Variants in DCDC1 observed in about 807,000 individuals in gnomAD.
The protein encoded by DCDC1 is doublecortin domain containing 1.
Under a neutral mutation model 178.3 loss-of-function variants are expected in DCDC1, and 200 were observed. The observed-to-expected ratio is 1.12, with a 90% CI of 1.00 to 1.26. The LOEUF (loss-of-function observed/expected upper bound fraction) is 1.26. Among genes scored for constraint, DCDC1 ranks in the 50% most tolerant of loss-of-function variants. DCDC1 has a pLI of 0.00. For synonymous variants in DCDC1, 690 were observed against 604.8 expected, an observed-to-expected ratio of 1.14 and a Z score of -2.07; for missense variants, 1,983 against 1,749.2, an observed-to-expected ratio of 1.13 and a Z score of -2.38.
chr11:31,355,919 A>G (rs1174834196), intron 1 of DCDC1, among the ~76,000 whole-genome samples: 1 of 152,068 alleles, frequency 6.6e-6, no homozygotes, highest in Non-Finnish European at 1.5e-5. Context: ...ACATTCAATC[A>G]GGGATGCTCC....
At chr11:31,033,703 C>T (rs1256850635) in intron 20 of DCDC1, among the ~76,000 whole-genome samples, 1 of 152,048 alleles carries the variant, frequency 6.6e-6, no homozygotes, top group East Asian at 1.9e-4. Flanking sequence ...AATAACAGAC[C>T]ACAGATATAC....
intron 20 of DCDC1, among the ~76,000 whole-genome samples, chr11:30,973,176 G>A (rs750055857): frequency 1.3e-5 from 2 of 150,756 alleles, no homozygotes; most frequent in Non-Finnish European, 1.5e-5. Flanking sequence ...TGAAGCTGAG[G>A]CAGGAGAATC....
chr11:31,084,640 C>T (rs1024423681), intron 17 of DCDC1, among the ~76,000 whole-genome samples: 1 of 152,080 alleles, frequency 6.6e-6, no homozygotes, highest in African/African-American at 2.4e-5. Flanking sequence ...GATGATATGC[C>T]TTTGTATTAA....
intron 20 of DCDC1, among the ~76,000 whole-genome samples, chr11:30,973,662 A>G (rs951854209): frequency 1.3e-5 from 2 of 152,348 alleles, no homozygotes; most frequent in Admixed American, 1.3e-4. Context: ...GAAAGTCATT[A>G]TATAATGATA....
At chr11:30,930,278 G>T (rs1392872530) in intron 22 of DCDC1, among the ~76,000 whole-genome samples, 1 of 152,046 alleles carries the variant, frequency 6.6e-6, no homozygotes, top group African/African-American at 2.4e-5. Flanking sequence ...TCTGAAGCTG[G>T]ACAACCAGCC....
chr11:31,029,238 T>C (rs1466322582), intron 20 of DCDC1, among the ~76,000 whole-genome samples: 1 of 152,068 alleles, frequency 6.6e-6, no homozygotes, highest in South Asian at 2.1e-4. Context: ...TCTCACTACA[T>C]ATTTTATAAT....
At chr11:31,048,657 T>C (rs1391798667) in intron 20 of DCDC1, among the ~76,000 whole-genome samples, 1 of 151,594 alleles carries the variant, frequency 6.6e-6, no homozygotes, top group Admixed American at 6.6e-5. Flanking sequence ...ATCGAGACCA[T>C]CCTGGCTAAC....
intron 1 of DCDC1, among the ~76,000 whole-genome samples, chr11:31,355,335 C>T (rs1951284585): frequency 6.6e-6 from 1 of 152,096 alleles, no homozygotes; most frequent in East Asian, 1.9e-4. Context: ...GGAAAGAGGC[C>T]TCACTGGGGA....
intron 15 of DCDC1, among the ~76,000 whole-genome samples, chr11:31,099,017 C>T (rs1380136992): frequency 6.6e-6 from 1 of 152,126 alleles, no homozygotes; most frequent in East Asian, 1.9e-4. Context: ...GATAAAATAA[C>T]TGTGGACTGT....
At chr11:30,889,982 T>C (rs1943633601) in intron 36 of DCDC1, among the ~76,000 whole-genome samples, 1 of 152,188 alleles carries the variant, frequency 6.6e-6, no homozygotes, top group Non-Finnish European at 1.5e-5. Context: ...GGGACTGGTT[T>C]CTTTATATAC....
At chr11:31,182,121 T>C (rs1208427730) in intron 9 of DCDC1, among the ~76,000 whole-genome samples, 1 of 152,170 alleles carries the variant, frequency 6.6e-6, no homozygotes, top group Non-Finnish European at 1.5e-5. Flanking sequence ...GTTTGATTGG[T>C]ATACTTGAAA....
chr11:31,229,990 G>A (rs1975555741), intron 9 of DCDC1, among the ~76,000 whole-genome samples: 1 of 152,048 alleles, frequency 6.6e-6, no homozygotes, highest in Non-Finnish European at 1.5e-5. Context: ...ATTTAATATA[G>A]TACTTAAAGT....
At chr11:31,260,966 C>T (rs1944742189) in intron 8 of DCDC1, among the ~76,000 whole-genome samples, 1 of 152,110 alleles carries the variant, frequency 6.6e-6, no homozygotes. Flanking sequence ...TTGTCCTAAA[C>T]AAAGGAAGCC....
chr11:31,252,189 C>T (rs1037906419), intron 8 of DCDC1, among the ~76,000 whole-genome samples: 2 of 152,144 alleles, frequency 1.3e-5, no homozygotes, highest in Non-Finnish European at 2.9e-5. Context: ...GCCCTAATCA[C>T]AGCCTAGTCA....
chr11:31,290,648 T>C lies in DCDC1; in HGVS notation c.959A>G (p.Lys320Arg). ...GTTCAATATTTAATTAAAAATTACC[T>C]TTTTCATTGTTTCTTTTCCCACTGT... ...EITVGKETMK[K>R]VLDTCTIRMN... The change falls in exon 7 of 39, where the codon AAG (lysine) becomes AGG (arginine). Residue 320 changes from lysine (K) to arginine (R), a missense_variant and splice_region_variant. Physicochemically the swap from Lys to Arg is conservative, Grantham distance 26. Transcript: ENST00000684477. 4 of 1,597,032 alleles carry C rather than the reference T, an allele frequency of 2.5e-6. No homozygotes were observed. In the South Asian group the frequency reaches 4.6e-5, roughly 18 times the overall value.
At chr11:31,028,868 T>C (rs903662752) in intron 20 of DCDC1, among the ~76,000 whole-genome samples, 1 of 151,894 alleles carries the variant, frequency 6.6e-6, no homozygotes, top group African/African-American at 2.4e-5. Context: ...TAGTTGGAGA[T>C]TAATTAACAT....
chr11:31,202,192 T>C (rs1971363850), intron 9 of DCDC1, among the ~76,000 whole-genome samples: 1 of 152,200 alleles, frequency 6.6e-6, no homozygotes, highest in African/African-American at 2.4e-5. Flanking sequence ...CAGTCACAAG[T>C]CTGGCATGGT....
intron 8 of DCDC1, among the ~76,000 whole-genome samples, chr11:31,248,006 G>A (rs1409237081): frequency 6.6e-6 from 1 of 151,944 alleles, no homozygotes; most frequent in African/African-American, 2.4e-5. Flanking sequence ...TGTGGCCATG[G>A]CCTATACCAA....
At chr11:31,036,685 A>C (rs1228167891) in intron 20 of DCDC1, among the ~76,000 whole-genome samples, 1 of 152,200 alleles carries the variant, frequency 6.6e-6, no homozygotes, top group Non-Finnish European at 1.5e-5. Flanking sequence ...CAAGTCCCTT[A>C]TATATTTTAT....
Sources: allele counts gnomAD v4.1 joint callset (sites outside exome capture counted in the v4.1 genomes callset), GRCh38; gene constraint gnomAD v4.1.1; transcripts MANE v1.5; gene names NCBI Gene and HGNC (gene_info 2026-07-23, HGNC 2026-07-21).